DMD: variants seen among roughly 807,000 people sequenced by gnomAD.
DMD encodes dystrophin.
In DMD, 63 loss-of-function variants were observed where a neutral mutation model predicts 330.1. The observed-to-expected ratio is 0.19, with a 90% CI of 0.16 to 0.24. DMD has a LOEUF of 0.24. Among genes scored for constraint, DMD ranks in the 10% least tolerant of loss-of-function variants. DMD has a pLI of 1.00. For synonymous variants in DMD, 1,223 were observed against 959.8 expected (o/e 1.27, Z -5.07); for missense variants, 3,344 against 2,684.1 (o/e 1.25, Z -5.43).
At chrX:33,011,954 G>A (rs898106155) in intron 2 of DMD, among the ~76,000 whole-genome samples, 3 of 111,558 alleles carry the variant, frequency 2.7e-5, no homozygotes, top group Non-Finnish European at 5.7e-5. Flanking sequence ...CCACTCCAGA[G>A]AATATAGGTG....
intron 1 of DMD, among the ~76,000 whole-genome samples, chrX:33,118,108 G>A (rs1284623131): frequency 1.3e-5 from 1 of 77,495 alleles, no homozygotes; most frequent in Non-Finnish European, 2.4e-5. Flanking sequence ...ACAAGTTCAA[G>A]ACTCTTTTTT....
intron 1 of DMD, among the ~76,000 whole-genome samples, chrX:33,126,431 C>A (rs1053158088): frequency 9.0e-6 from 1 of 111,357 alleles, no homozygotes; most frequent in African/African-American, 3.3e-5. Flanking sequence ...TGGGGCCCCA[C>A]TTCAGAAGGA....
At chrX:31,205,454 G>A (rs1173484356) in intron 66 of DMD, among the ~76,000 whole-genome samples, 3 of 111,582 alleles carry the variant, frequency 2.7e-5, no homozygotes, top group Non-Finnish European at 3.8e-5. Context: ...GTAGTTATTC[G>A]AAACACCAAC....
Position 31,470,982 on chromosome X carries a change from T to C in DMD, c.8937+7124A>G, listed in dbSNP as rs1349971249. Among the ~76,000 whole-genome samples the C allele has an allele frequency of 2.7e-5, 3 of 111,883 alleles. No individual in the cohort carries two copies. The Admixed American group carries it at 2.8e-4, about 11-fold the overall frequency. ...AAACTGCCTACTCAAGCTTCAGTAA[T>C]GGCAGGTGCCCCTCCCCACACTAAG... On this transcript the variant is annotated intron_variant, in intron 59 of 78. Coordinates refer to ENST00000357033, the MANE Select transcript of DMD (RefSeq NM_004006.3).
chrX:31,126,647 T>A lies in DMD; in HGVS notation c.11041A>T (p.Arg3681Ter), dbSNP rs1477369230. 16 of 1,198,364 alleles carry A rather than the reference T, an allele frequency of 1.3e-5. No homozygotes were observed. The African/African-American group carries it at 2.5e-4, about 19-fold the overall frequency. ...TGAGCCTGAATCTCACTAACCTCTC[T>A]CATTGGCTTTCCAGGGGTATTTCTT... ...RGRNTPGKPMREDTM is the reference protein window; with the variant it reads ...RGRNTPGKPM The change falls in exon 78 of 79, where the codon AGA becomes TGA. Residue 3681 changes from arginine (R) to a stop codon, truncating the protein, a stop_gained. Coordinates refer to ENST00000357033, the MANE Select transcript of DMD (RefSeq NM_004006.3). LOFTEE classifies it high-confidence loss of function.
At chrX:31,329,692 G>T (rs2056986664) in intron 61 of DMD, among the ~76,000 whole-genome samples, 1 of 110,430 alleles carries the variant, frequency 9.1e-6, no homozygotes, top group Admixed American at 9.6e-5. Flanking sequence ...GTCCACCTCG[G>T]CCGGGCGCGG....
At chrX:31,339,094 T>C (rs1402647487) in intron 61 of DMD, among the ~76,000 whole-genome samples, 1 of 111,190 alleles carries the variant, frequency 9.0e-6, no homozygotes, top group East Asian at 2.8e-4. Flanking sequence ...CAATTGGCTC[T>C]CTTGAGCCAT....
At chrX:32,634,666 C>G (rs866916604) in intron 11 of DMD, among the ~76,000 whole-genome samples, 1 of 111,841 alleles carries the variant, frequency 8.9e-6, no homozygotes, top group African/African-American at 3.3e-5. Context: ...GACCTCAAGA[C>G]TCTGCCTGGT....
At chrX:31,325,292 A>T (rs2056699844) in intron 61 of DMD, among the ~76,000 whole-genome samples, 1 of 110,326 alleles carries the variant, frequency 9.1e-6, no homozygotes, top group Non-Finnish European at 1.9e-5. Flanking sequence ...AGAGTAAATA[A>T]GATCTGATTT....
chrX:31,825,717 T>C lies in DMD; in HGVS notation c.7201-5634A>G, dbSNP rs149138375. Among the ~76,000 whole-genome samples, 594 of 111,677 alleles carry C rather than the reference T, an allele frequency of 5.3e-3. 8 individuals carry two copies. Among genetic ancestry groups the C allele is most frequent in the African/African-American group, 0.018 (568 of 30,821 alleles). On this transcript the variant is annotated intron_variant, in intron 49 of 78. Coordinates refer to ENST00000357033, the MANE Select transcript of DMD (RefSeq NM_004006.3). ...ACTGTATCACTAAACAGAGCAAAAA[T>C]TGATGTGATAACGACACCCCTGAAA...
intron 56 of DMD, among the ~76,000 whole-genome samples, chrX:31,504,965 A>G (rs920415607): frequency 8.9e-6 from 1 of 112,215 alleles, no homozygotes; most frequent in Non-Finnish European, 1.9e-5. Context: ...GGTAGCTGAC[A>G]TGGGAAACTG....
At chrX:32,502,379 T>A (rs2044146900) in intron 18 of DMD, among the ~76,000 whole-genome samples, 1 of 111,567 alleles carries the variant, frequency 9.0e-6, no homozygotes, top group African/African-American at 3.2e-5. Context: ...ATAATCAAAG[T>A]ACTCCTATTT....
intron 18 of DMD, among the ~76,000 whole-genome samples, chrX:32,507,030 C>T (rs1025004595): frequency 1.8e-5 from 2 of 111,773 alleles, no homozygotes; most frequent in Non-Finnish European, 3.8e-5. Flanking sequence ...TCACTACTTA[C>T]ATTTATTCTC....
chrX:32,101,778 A>C (rs1490222568), intron 44 of DMD, among the ~76,000 whole-genome samples: 1 of 111,471 alleles, frequency 9.0e-6, no homozygotes, highest in Non-Finnish European at 1.9e-5. Flanking sequence ...TATAGTTTAA[A>C]TGTGTCCCCC....
Position 32,702,363 on chromosome X carries a change from G to A in DMD, c.650-3070C>T, listed in dbSNP as rs182383000. On this transcript the variant is annotated intron_variant, in intron 7 of 78. Coordinates refer to ENST00000357033, the MANE Select transcript of DMD (RefSeq NM_004006.3). The stretch of plus-strand genomic sequence containing the variant: ...AGGATTTCAATAGCTGGAAATGAGG[G>A]AATGGGGAAGAGTATTCGGGGCAGT... Among the ~76,000 whole-genome samples, 467 of 111,613 alleles carry A rather than the reference G, an allele frequency of 4.2e-3. 2 individuals are homozygous for A. Among genetic ancestry groups the A allele is most frequent in the Non-Finnish European group, 7.0e-3 (371 of 53,009 alleles).
chrX:31,211,299 T>A (rs1407948107), intron 64 of DMD, among the ~76,000 whole-genome samples: 2 of 112,072 alleles, frequency 1.8e-5, no homozygotes, highest in Non-Finnish European at 3.8e-5. Flanking sequence ...TGTGCTTGTT[T>A]TCCTCAGAGG....
At chrX:32,386,699 CAG>C (rs1052945401) in intron 32 of DMD, among the ~76,000 whole-genome samples, 9 of 97,687 alleles carry the variant, frequency 9.2e-5, no homozygotes, top group Admixed American at 2.5e-4. Flanking sequence ...TCTTATTAAA[CAG>C]AGAGTTAATC....
Position 32,485,076 on chromosome X carries a change from A to C in DMD, c.2646T>G (p.Asp882Glu). 1 of 1,210,840 alleles carries C rather than the reference A, an allele frequency of 8.3e-7. No homozygotes were observed. Among genetic ancestry groups the C allele is most frequent in the South Asian group, 1.8e-5 (1 of 57,000 alleles). The change falls in exon 21 of 79, where the codon GAT (aspartate) becomes GAG (glutamate). Residue 882 changes from aspartate (D) to glutamate (E), a missense_variant. Physicochemically the swap from Asp to Glu is conservative, Grantham distance 45. Transcript: ENST00000357033. Reference sequence around the variant, plus strand: ...TTAATCGTTCAATTTGAGGTTGAAGATCTGATAGCCGGTTGACTTCATCCT... The same window carrying C: ...TTAATCGTTCAATTTGAGGTTGAAGCTCTGATAGCCGGTTGACTTCATCCT... Reference protein sequence around the residue: ...ICKDEVNRLSDLQPQIERLKI... With the variant: ...ICKDEVNRLSELQPQIERLKI...
At chrX:32,443,342 T>C (rs2098290145) in intron 27 of DMD, among the ~76,000 whole-genome samples, 1 of 110,913 alleles carries the variant, frequency 9.0e-6, no homozygotes, top group Non-Finnish European at 1.9e-5. Flanking sequence ...CTTTCATACC[T>C]GCTTGATATC....
Sources: gnomAD v4.1 joint callset for allele counts (sites outside exome capture counted in the v4.1 genomes callset) on GRCh38, gnomAD v4.1.1 for gene constraint, MANE v1.5 for transcripts, NCBI Gene and HGNC (gene_info 2026-07-23, HGNC 2026-07-21) for gene names.